The following TMEM201 variants were observed in gnomAD, a reference collection of about 807,000 sequenced individuals.
TMEM201 encodes the protein transmembrane protein 201.
Under a neutral mutation model 63.4 loss-of-function variants are expected in TMEM201, and 26 were observed. The ratio of observed to expected loss-of-function variants is 0.41; its 90% CI spans 0.30 to 0.57. TMEM201 has a LOEUF of 0.57. Ranked by LOEUF, TMEM201 falls within the 20% of genes least tolerant of loss-of-function variation. The pLI is 0.29. For synonymous variants in TMEM201, 417 were observed against 421.6 expected, an observed-to-expected ratio of 0.99 and a Z score of 0.14; for missense variants, 794 against 917.7, an observed-to-expected ratio of 0.87 and a Z score of 1.74.
chr1:9,594,274 A>T (rs983369833), intron 1 of TMEM201, among the ~76,000 whole-genome samples: 2 of 152,188 alleles, frequency 1.3e-5, no homozygotes, highest in African/African-American at 4.8e-5. Flanking sequence ...CGCTGTCTCC[A>T]TGCTGTTGAC....
intron 3 of TMEM201, among the ~76,000 whole-genome samples, chr1:9,598,038 G>A (rs779424729): frequency 6.6e-6 from 1 of 152,196 alleles, no homozygotes; most frequent in Admixed American, 6.5e-5. Flanking sequence ...GCATTCAAGC[G>A]GAAGGGCAAG....
chr1:9,589,274 G>T (rs144511552), intron 1 of TMEM201, among the ~76,000 whole-genome samples: 2,683 of 151,628 alleles, frequency 0.018, 45 homozygotes, highest in Middle Eastern at 0.038. Context: ...GCGGGCGAGA[G>T]CGCCGCGCGG....
At position 9,607,536 on chromosome 1, in the gene TMEM201, G is replaced by T. The variant is rs377382221; in HGVS notation, c.1161-21G>T. On this transcript the variant is annotated intron_variant, in intron 6 of 10. Transcript: ENST00000340381. The surrounding 1 kb of genome is among the most constrained non-coding windows in gnomAD (Gnocchi z 5.4). ...CTCCCGCTGACCCTCTTCTTGTCCCGTGCCTGACGGGCCCTTGCAGGTTCT... is the reference window on the plus strand; with the variant it reads ...CTCCCGCTGACCCTCTTCTTGTCCCTTGCCTGACGGGCCCTTGCAGGTTCT... 3.9e-6 allele frequency: 6 copies of T among 1,531,692 alleles called. No homozygotes were observed. The South Asian group carries it at 5.0e-5, about 13-fold the overall frequency. The allele number at this position is 1,531,692 out of a possible 1,614,324, so 94.9% of individuals were successfully genotyped here. A position where few individuals can be genotyped will look rare whatever the true frequency, so the allele number is the denominator to read the frequency against.
Position 9,607,567 on chromosome 1 carries a change from G to T in TMEM201, c.1171G>T (p.Gly391Ter). ...GACGGGCCCTTGCAGGTTCTTCCCA[G>T]GAGACTCTGCCGGCCTTTTCCCCAC... ...RRFRPRRFFP[G>*]DSAGLFPTSP... Residue 391 changes from glycine to a stop codon, truncating the protein, a stop_gained, in exon 7 of 11, where the codon GGA becomes TGA. Transcript: ENST00000340381. LOFTEE classifies it high-confidence loss of function. This position sits in a 1 kb window ranked among gnomAD's most constrained non-coding sequence, Gnocchi z 5.4. 6.5e-7 allele frequency: 1 copy of T among 1,549,556 alleles called. No homozygotes were observed. The highest frequency in any genetic ancestry group is 8.7e-7 in the Non-Finnish European group (1 of 1,145,956).
At chr1:9,598,418 A>G in intron 3 of TMEM201, 31 bp from the exon 4 acceptor site, 2 of 1,596,340 alleles carry the variant, frequency 1.3e-6, no homozygotes, top group Admixed American at 1.7e-5. Context: ...CCACCCCTGC[A>G]GATGCCGAGC....
chr1:9,607,681 G>A lies in TMEM201; in HGVS notation c.1285G>A (p.Ala429Thr), dbSNP rs1224718071. ...IPSPPSFLPL[A>T]NQQLFRSPRR... ...CAGCCCGCCCAGCTTCCTGCCCCTC[G>A]CCAACCAGCAGCTCTTCCGGTCTCC... The change falls in exon 7 of 11, where the codon GCC becomes ACC. Residue 429 changes from alanine (A) to threonine (T), a missense_variant. Transcript: ENST00000340381. This position sits in a 1 kb window ranked among gnomAD's most constrained non-coding sequence, Gnocchi z 5.4. 3.9e-6 allele frequency: 6 copies of A among 1,551,808 alleles called. No homozygotes were observed. Among genetic ancestry groups the A allele is most frequent in the Non-Finnish European group, 5.2e-6 (6 of 1,147,080 alleles).
Position 9,613,253 on chromosome 1 carries a change from C to T in TMEM201, c.*170C>T. On this transcript the variant is annotated 3_prime_UTR_variant, in exon 11 of 11. Coordinates refer to ENST00000340381, the MANE Select transcript of TMEM201 (RefSeq NM_001130924.3). The stretch of plus-strand genomic sequence containing the variant: ...CACCTGCCCCTCCTCACCTAACGGA[C>T]TGCAGGGCTGAGCATGTGTCTGAGG... The T allele has an allele frequency of 3.2e-6, 2 of 626,418 alleles. No homozygotes were observed. The highest frequency in any genetic ancestry group is 5.6e-6 in the Non-Finnish European group (2 of 355,466). The allele number at this position is 626,418 out of a possible 1,614,324, so 38.8% of individuals were successfully genotyped here.
intron 6 of TMEM201, chr1:9,602,779 CAG>C: frequency 1.0e-6 from 1 of 994,862 alleles, no homozygotes; most frequent in Non-Finnish European, 1.2e-6. Context: ...GCTGGGGCAG[CAG>C]AGAGCCCCAG....
rs1644200487 is a variant in TMEM201 at position 9,604,139 on chromosome 1, C to G, written c.1160+1867C>G. Reference sequence around the variant, plus strand: ...GCTGGCCATGCTGTTGCTTGCGTCTCGAATCTTCGGTTCTCGAGGAAGTGT... The same window carrying G: ...GCTGGCCATGCTGTTGCTTGCGTCTGGAATCTTCGGTTCTCGAGGAAGTGT... On this transcript the variant is annotated intron_variant, in intron 6 of 10. Transcript: ENST00000340381. This position sits in a 1 kb window ranked among gnomAD's most constrained non-coding sequence, Gnocchi z 4.1. 4.1e-6 allele frequency: 4 copies of G among 985,328 alleles called. No individual in the cohort carries two copies. The highest frequency in any genetic ancestry group is 1.2e-4 in the Admixed American group (2 of 16,272). The allele number at this position is 985,328 out of a possible 1,614,324, so 61.0% of individuals were successfully genotyped here.
rs1299435372 is a variant in TMEM201, at chr1:9,607,382, A to G, written c.1161-175A>G. The stretch of plus-strand genomic sequence containing the variant: ...TGGCACCTCCCAGCCACCCGCTCCT[A>G]ATGGCGTGAATGTGGTCGGATTGCT... On this transcript the variant is annotated intron_variant, in intron 6 of 10. Coordinates refer to ENST00000340381, the MANE Select transcript of TMEM201 (RefSeq NM_001130924.3). The surrounding 1 kb of genome is among the most constrained non-coding windows in gnomAD (Gnocchi z 5.4). 6.6e-6 allele frequency among the ~76,000 whole-genome samples: 1 copy of G among 152,016 alleles called. No homozygotes were observed. The highest frequency in any genetic ancestry group is 1.5e-5 in the Non-Finnish European group (1 of 67,998).
rs922082747 is a variant in TMEM201, at chr1:9,613,399, A to G, written c.*316A>G. 1 of 423,470 alleles carries G rather than the reference A, an allele frequency of 2.4e-6. No individual in the cohort carries two copies. The highest frequency in any genetic ancestry group is 2.0e-5 in the African/African-American group (1 of 50,680). 26.2% of individuals were successfully genotyped at this position (423,470 alleles called of 1,614,324 possible). A position where few individuals can be genotyped will look rare whatever the true frequency, so the allele number is the denominator to read the frequency against. Reference sequence around the variant, plus strand: ...GACCCTGGGGTGCCCCACACAGTTCAGCCCTGCCTGGCAGGGACGCCAGTA... The same window carrying G: ...GACCCTGGGGTGCCCCACACAGTTCGGCCCTGCCTGGCAGGGACGCCAGTA... On this transcript the variant is annotated 3_prime_UTR_variant, in exon 11 of 11. Transcript: ENST00000340381.
Position 9,607,803 on chromosome 1 carries a change from A to C in TMEM201, c.1393+14A>C. On this transcript the variant is annotated intron_variant, in intron 7 of 10. Transcript: ENST00000340381. This position sits in a 1 kb window ranked among gnomAD's most constrained non-coding sequence, Gnocchi z 5.4. ...TGACTCGAGCAGGTAAGGGGTGCCCAGGCATTGGCAGACAGTCAGGGCTAG... is the reference window on the plus strand; with the variant it reads ...TGACTCGAGCAGGTAAGGGGTGCCCCGGCATTGGCAGACAGTCAGGGCTAG... 1 of 1,550,050 alleles carries C rather than the reference A, an allele frequency of 6.5e-7. No homozygotes were observed. The highest frequency in any genetic ancestry group is 1.2e-5 in the South Asian group (1 of 84,018).
chr1:9,592,032 G>A (rs1643930576), intron 1 of TMEM201, among the ~76,000 whole-genome samples: 1 of 152,244 alleles, frequency 6.6e-6, no homozygotes, highest in Non-Finnish European at 1.5e-5. Context: ...CTGATGGGAT[G>A]TTCCGCTCGC....
intron 3 of TMEM201, among the ~76,000 whole-genome samples, chr1:9,598,101 G>A (rs1644059876): frequency 6.6e-6 from 1 of 152,230 alleles, no homozygotes; most frequent in African/African-American, 2.4e-5. Context: ...TCAGCCCGCA[G>A]CCACCTTCCC....
intron 2 of TMEM201, among the ~76,000 whole-genome samples, chr1:9,596,463 G>A (rs1644021897): frequency 6.6e-6 from 1 of 152,228 alleles, no homozygotes; most frequent in African/African-American, 2.4e-5. Flanking sequence ...GAATTAGCCT[G>A]GCTGTGTTCC....
intron 6 of TMEM201, chr1:9,602,633 C>A (rs1288715035): frequency 3.4e-6 from 4 of 1,188,216 alleles, no homozygotes; most frequent in Middle Eastern, 3.6e-4. Flanking sequence ...CCCCTCTCAC[C>A]ACGCCGTTTG....
chr1:9,603,821 T>C lies in TMEM201; in HGVS notation c.1160+1549T>C, dbSNP rs1339878142. Reference sequence around the variant, plus strand: ...GACCCTCGGGGGCTTCTGTGGCCTCTGTGCCCGATGACCTGCGTGGCTTCA... The same window carrying C: ...GACCCTCGGGGGCTTCTGTGGCCTCCGTGCCCGATGACCTGCGTGGCTTCA... On this transcript the variant is annotated intron_variant, in intron 6 of 10. Transcript: ENST00000340381. The surrounding 1 kb of genome is among the most constrained non-coding windows in gnomAD (Gnocchi z 4.5). The C allele has an allele frequency of 4.1e-6, 4 of 985,358 alleles. No individual in the cohort carries two copies. The highest frequency in any genetic ancestry group is 6.1e-5 in the Admixed American group (1 of 16,274). 61.0% of individuals were successfully genotyped at this position (985,358 alleles called of 1,614,324 possible).
rs926789929 is a variant in TMEM201, at chr1:9,603,838, G to A, written c.1160+1566G>A. 25 of 985,332 alleles carry A rather than the reference G, an allele frequency of 2.5e-5. No homozygotes were observed. Among genetic ancestry groups the A allele is most frequent in the Admixed American group, 1.2e-4 (2 of 16,260 alleles). 61.0% of individuals were successfully genotyped at this position (985,332 alleles called of 1,614,324 possible). ...GTGGCCTCTGTGCCCGATGACCTGC[G>A]TGGCTTCAGACAAGGCCCCAGCGTT... On this transcript the variant is annotated intron_variant, in intron 6 of 10. Coordinates refer to ENST00000340381, the MANE Select transcript of TMEM201 (RefSeq NM_001130924.3). The surrounding 1 kb of genome is among the most constrained non-coding windows in gnomAD (Gnocchi z 4.5).
intron 2 of TMEM201, 30 bp downstream of exon 2, chr1:9,596,040 G>A (rs960687383): frequency 1.9e-6 from 3 of 1,606,094 alleles, no homozygotes; most frequent in African/African-American, 1.3e-5. Flanking sequence ...GGACGGGTGG[G>A]CACGCGGGGG....
Sources: gnomAD v4.1 joint callset for allele counts (sites outside exome capture counted in the v4.1 genomes callset) on GRCh38, gnomAD v4.1.1 for gene constraint, Gnocchi (gnomAD v3.1) non-coding constraint, MANE v1.5 for transcripts, NCBI Gene and HGNC (gene_info 2026-07-23, HGNC 2026-07-21) for gene names.